C10orf90: variants seen among roughly 807,000 people sequenced by gnomAD.
C10orf90 encodes chromosome 10 open reading frame 90.
In C10orf90, 56 loss-of-function variants were observed where a neutral mutation model predicts 62.5. That is an observed-to-expected ratio of 0.90 (90% CI 0.72 to 1.12). C10orf90 has a LOEUF of 1.12. Ranked by LOEUF, C10orf90 falls within the 50% of genes most tolerant of loss-of-function variation. C10orf90 has a pLI of 0.00. For synonymous variants in C10orf90, 386 were observed against 340.4 expected (o/e 1.13, Z -1.47); for missense variants, 970 against 880.4 (o/e 1.10, Z -1.29).
chr10:126,466,314 C>T (rs2133748024), intron 4 of C10orf90, among the ~76,000 whole-genome samples: 1 of 151,974 alleles, frequency 6.6e-6, no homozygotes, highest in South Asian at 2.1e-4. Flanking sequence ...GAGATCGAGA[C>T]CATCCTGGCT....
At chr10:126,530,049 A>G (rs963454313) in intron 2 of C10orf90, among the ~76,000 whole-genome samples, 5 of 152,182 alleles carry the variant, frequency 3.3e-5, no homozygotes, top group African/African-American at 9.7e-5. Context: ...CCTCTTGTAC[A>G]TTTGCACTGG....
chr10:126,580,084 C>T (rs1186415152), intron 2 of C10orf90, among the ~76,000 whole-genome samples: 1 of 152,182 alleles, frequency 6.6e-6, no homozygotes, highest in African/African-American at 2.4e-5. Flanking sequence ...GGGTAGACCC[C>T]TGATCAGTGG....
chr10:126,661,210 A>ATGATAGAG (rs1253556282), intron 1 of C10orf90, among the ~76,000 whole-genome samples: 1 of 152,202 alleles, frequency 6.6e-6, no homozygotes, highest in Non-Finnish European at 1.5e-5. Context: ...CCATGGCTCT[A>ATGATAGAG]TGATAGAGTT....
Position 126,624,171 on chromosome 10 carries a change from C to G in C10orf90, c.313+22394G>C, listed in dbSNP as rs187938361. Among the ~76,000 whole-genome samples, 5 of 152,234 alleles carry G rather than the reference C, an allele frequency of 3.3e-5. No individual in the cohort carries two copies. The East Asian group carries it at 7.8e-4, about 24-fold the overall frequency. On this transcript the variant is annotated intron_variant, in intron 2 of 9. Coordinates refer to ENST00000488181, the MANE Select transcript of C10orf90 (RefSeq NM_001350921.2). Reference sequence around the variant, plus strand: ...AACCAGCCTGGCCAATATGGTGAAACCCTGTCTCTACCAAAAATACAAAAA... The same window carrying G: ...AACCAGCCTGGCCAATATGGTGAAAGCCTGTCTCTACCAAAAATACAAAAA...
chr10:126,623,537 CA>C lies in C10orf90; in HGVS notation c.313+23027del, dbSNP rs1383443220. ...TTCTACCTTGATCTCTCTCTTTCCC[CA>C]AGTAGAATGAGAGCTTCATGAGGCT... On this transcript the variant is annotated intron_variant, in intron 2 of 9. Coordinates refer to ENST00000488181, the MANE Select transcript of C10orf90 (RefSeq NM_001350921.2). 1.2e-4 allele frequency among the ~76,000 whole-genome samples: 19 copies of C among 152,186 alleles called. No individual in the cohort carries two copies. In the East Asian group the frequency reaches 2.5e-3, roughly 20 times the overall value.
chr10:126,606,502 C>T (rs947058075), intron 2 of C10orf90, among the ~76,000 whole-genome samples: 36 of 152,182 alleles, frequency 2.4e-4, no homozygotes, highest in East Asian at 2.1e-3. Context: ...CGAAGTTATC[C>T]GGTGTGGGCT....
chr10:126,526,313 C>T (rs1311807390), intron 2 of C10orf90, among the ~76,000 whole-genome samples: 2 of 150,550 alleles, frequency 1.3e-5, no homozygotes, highest in African/African-American at 4.9e-5. Flanking sequence ...GGTGCAATCT[C>T]GGCTTGCTGC....
At chr10:126,455,586 C>G (rs4623806) in intron 7 of C10orf90, among the ~76,000 whole-genome samples, 35,290 of 152,094 alleles carry the variant, frequency 0.23, 4,647 homozygotes, top group East Asian at 0.53. Flanking sequence ...CTGCTAGAGA[C>G]GTGGGAAGGT....
rs763945461 is a variant in C10orf90, at chr10:126,506,946, G to A, written c.406-1861C>T. On this transcript the variant is annotated intron_variant, in intron 3 of 9. Coordinates refer to ENST00000488181, the MANE Select transcript of C10orf90 (RefSeq NM_001350921.2). The stretch of plus-strand genomic sequence containing the variant: ...TGTGTGTGTGTGTGTGTGTGTGTGC[G>A]TGCGTGTGTGATCTTAGCCACCTGA... Among the ~76,000 whole-genome samples the A allele has an allele frequency of 2.0e-4, 31 of 151,786 alleles. 1 individual carries two copies. The highest frequency in any genetic ancestry group is 8.3e-4 in the South Asian group (4 of 4,804).
intron 2 of C10orf90, among the ~76,000 whole-genome samples, chr10:126,548,582 G>A (rs1402178533): frequency 6.6e-6 from 1 of 152,194 alleles, no homozygotes; most frequent in South Asian, 2.1e-4. Flanking sequence ...GGCCAGGATG[G>A]TCTCGATCTC....
At chr10:126,501,878 A>G (rs1223529827) in intron 4 of C10orf90, among the ~76,000 whole-genome samples, 1 of 147,734 alleles carries the variant, frequency 6.8e-6, no homozygotes, top group African/African-American at 2.7e-5. Flanking sequence ...GCAAAGGCAT[A>G]CAGAGTGATA....
chr10:126,513,389 G>C (rs534121961), intron 3 of C10orf90, among the ~76,000 whole-genome samples: 1 of 152,172 alleles, frequency 6.6e-6, no homozygotes, highest in African/African-American at 2.4e-5. Context: ...ATACATTGAC[G>C]ATATTAACCA....
At chr10:126,665,223 C>T (rs193183782) in intron 1 of C10orf90, among the ~76,000 whole-genome samples, 34 of 152,298 alleles carry the variant, frequency 2.2e-4, no homozygotes, top group Admixed American at 1.5e-3. Flanking sequence ...AAGCACATCA[C>T]AGCAAAAATA....
intron 2 of C10orf90, among the ~76,000 whole-genome samples, chr10:126,578,801 A>G (rs1280864455): frequency 6.6e-6 from 1 of 152,232 alleles, no homozygotes; most frequent in Admixed American, 6.5e-5. Context: ...TTACACAAAT[A>G]TAATGTTGTG....
intron 4 of C10orf90, among the ~76,000 whole-genome samples, chr10:126,501,419 T>G (rs1200955957): frequency 6.6e-6 from 1 of 151,872 alleles, no homozygotes; most frequent in Admixed American, 6.6e-5. Flanking sequence ...AAGGTGTGCA[T>G]TTGTAGGCAT....
chr10:126,517,951 C>A (rs1370777731), intron 2 of C10orf90, among the ~76,000 whole-genome samples: 2 of 149,780 alleles, frequency 1.3e-5, no homozygotes, highest in African/African-American at 4.9e-5. Flanking sequence ...GTCAGGACAA[C>A]TCTGCCTTTT....
At chr10:126,530,407 G>C (rs1864062473) in intron 2 of C10orf90, among the ~76,000 whole-genome samples, 1 of 151,666 alleles carries the variant, frequency 6.6e-6, no homozygotes, top group Non-Finnish European at 1.5e-5. Flanking sequence ...CATCACTGCA[G>C]AGACTACAGA....
At position 126,464,730 on chromosome 10, in the gene C10orf90, G is replaced by A; in HGVS notation, c.1791C>T (p.Asp597=). 6.2e-7 allele frequency: 1 copy of A among 1,613,474 alleles called. No individual in the cohort carries two copies. Among genetic ancestry groups the A allele is most frequent in the Non-Finnish European group, 8.5e-7 (1 of 1,179,552 alleles). The change falls in exon 5 of 10, where the codon GAC becomes GAT. Residue 597 remains aspartate, a synonymous_variant. Transcript: ENST00000488181. The part of the protein sequence containing the change: ...LQDVCASLQE[D]NGVQIESKFP... The stretch of plus-strand genomic sequence containing the variant: ...ACTTGCTTTCTATCTGAACACCATT[G>A]TCTTCCTGCAGAGATGCACATACAT...
chr10:126,600,414 T>C (rs1324983963), intron 2 of C10orf90, among the ~76,000 whole-genome samples: 1 of 152,200 alleles, frequency 6.6e-6, no homozygotes, highest in Non-Finnish European at 1.5e-5. Flanking sequence ...AACCTGTGCC[T>C]GCCATGTGCA....
Sources: gnomAD v4.1 joint callset for allele counts (sites outside exome capture counted in the v4.1 genomes callset) on GRCh38, gnomAD v4.1.1 for gene constraint, MANE v1.5 for transcripts, NCBI Gene and HGNC (gene_info 2026-07-23, HGNC 2026-07-21) for gene names.